The following SORBS2 variants were observed in gnomAD, a reference collection of about 807,000 sequenced individuals.
SORBS2 encodes the protein sorbin and SH3 domain containing 2.
In SORBS2, 46 loss-of-function variants were observed where a neutral mutation model predicts 97.7. The ratio of observed to expected loss-of-function variants is 0.47; its 90% CI spans 0.37 to 0.60. The LOEUF (loss-of-function observed/expected upper bound fraction) is 0.60. SORBS2 is among the 20% of genes least tolerant of loss of function. The probability of loss-of-function intolerance (pLI) is 0.00; values close to 1 mark genes in which losing one functional copy is unlikely to be tolerated. For missense variants in SORBS2, 1,316 were observed against 1,282.3 expected (o/e 1.03, Z -0.40); for synonymous variants, 476 against 473.4 (o/e 1.01, Z -0.07).
chr4:185,905,384 T>C (rs2099250195), intron 1 of SORBS2, among the ~76,000 whole-genome samples: 1 of 152,240 alleles, frequency 6.6e-6, no homozygotes, highest in Non-Finnish European at 1.5e-5. Flanking sequence ...TAGTGTTTTA[T>C]CTTCTCAAGA....
At chr4:185,882,906 C>A (rs1487344354) in intron 1 of SORBS2, among the ~76,000 whole-genome samples, 1 of 151,986 alleles carries the variant, frequency 6.6e-6, no homozygotes, top group Non-Finnish European at 1.5e-5. Flanking sequence ...CAAATGAACT[C>A]AAGTGGATCA....
chr4:185,629,324 A>G (rs1322067062), intron 5 of SORBS2, among the ~76,000 whole-genome samples: 1 of 152,062 alleles, frequency 6.6e-6, no homozygotes, highest in African/African-American at 2.4e-5. Context: ...AGGTGCATAG[A>G]TAGAGGCAGA....
Position 185,720,180 on chromosome 4 carries a change from G to A in SORBS2, c.-197-41358C>T, listed in dbSNP as rs368592852. On this transcript the variant is annotated intron_variant, in intron 2 of 20. Coordinates refer to the SORBS2 transcript ENST00000284776. ...AGGTTCCCAGAATTGTGAAGCCTCCGTACTAGCCTTGCACCACCAATCTGT... is the reference window on the plus strand; with the variant it reads ...AGGTTCCCAGAATTGTGAAGCCTCCATACTAGCCTTGCACCACCAATCTGT... 2.0e-4 allele frequency among the ~76,000 whole-genome samples: 30 copies of A among 152,308 alleles called. 1 individual carries two copies. The highest frequency in any genetic ancestry group is 6.3e-4 in the African/African-American group (26 of 41,566).
intron 6 of SORBS2, among the ~76,000 whole-genome samples, chr4:185,625,452 T>C (rs1581239059): frequency 6.6e-6 from 1 of 152,240 alleles, no homozygotes; most frequent in African/African-American, 2.4e-5. Flanking sequence ...TATTCAATAC[T>C]TATACCTTAC....
At chr4:185,775,126 C>T (rs1188324781) in intron 2 of SORBS2, 101 bp downstream of exon 2, 2 of 152,514 alleles carry the variant, frequency 1.3e-5, no homozygotes, top group Non-Finnish European at 2.9e-5. Flanking sequence ...AAATTGTTCA[C>T]AACTCCCCTT....
intron 2 of SORBS2, among the ~76,000 whole-genome samples, chr4:185,697,826 C>G (rs1190784829): frequency 6.6e-6 from 1 of 152,100 alleles, no homozygotes; most frequent in Non-Finnish European, 1.5e-5. Context: ...AGGAGAAAAG[C>G]CTTGATCTTT....
At chr4:185,951,053 C>T (rs954629570) in intron 1 of SORBS2, among the ~76,000 whole-genome samples, 13 of 152,164 alleles carry the variant, frequency 8.5e-5, no homozygotes, top group African/African-American at 4.8e-5. Context: ...TGCAAGTGAT[C>T]CCTCAATGAC....
intron 1 of SORBS2, among the ~76,000 whole-genome samples, chr4:185,885,853 G>T (rs1462433156): frequency 1.3e-5 from 2 of 152,076 alleles, no homozygotes; most frequent in Admixed American, 6.5e-5. Flanking sequence ...ATACGAATTC[G>T]GTCTTATTCA....
intron 1 of SORBS2, among the ~76,000 whole-genome samples, chr4:185,902,684 T>A (rs1320667737): frequency 3.0e-5 from 4 of 132,658 alleles, no homozygotes; most frequent in Non-Finnish European, 6.8e-5. Context: ...ATGGTGTTTT[T>A]ACTTAAAAAA....
intron 1 of SORBS2, among the ~76,000 whole-genome samples, chr4:185,941,764 G>A (rs1053252330): frequency 6.6e-6 from 1 of 152,172 alleles, no homozygotes; most frequent in Non-Finnish European, 1.5e-5. Flanking sequence ...AGTCATTTTG[G>A]TGGAAAGAAC....
Position 185,587,431 on chromosome 4 carries a change from G to A in SORBS2, c.*196C>T. ...AGTAGGAATCCACACTTTCACGGAG[G>A]GGGACCAGCCTGCCATGTCGTCCCC... On this transcript the variant is annotated 3_prime_UTR_variant, in exon 15 of 15. Coordinates refer to ENST00000418609, the Ensembl canonical transcript of SORBS2. 8.5e-6 allele frequency: 5 copies of A among 589,404 alleles called. 1 individual carries two copies. The highest frequency in any genetic ancestry group is 4.5e-4 in the Middle Eastern group (1 of 2,216). 36.5% of individuals were successfully genotyped at this position (589,404 alleles called of 1,614,324 possible).
At chr4:185,808,014 A>T (rs1330418746) in intron 1 of SORBS2, among the ~76,000 whole-genome samples, 2 of 152,216 alleles carry the variant, frequency 1.3e-5, no homozygotes, top group African/African-American at 4.8e-5. Flanking sequence ...TGGTTTCTGA[A>T]ATCTAATTAC....
chr4:185,643,344 AC>A (rs1260329874), intron 4 of SORBS2, among the ~76,000 whole-genome samples: 1 of 152,146 alleles, frequency 6.6e-6, no homozygotes, highest in African/African-American at 2.4e-5. Context: ...TGCAGCTGGA[AC>A]CTAGCGAGGC....
At chr4:185,599,109 C>T (rs753040014) in intron 12 of SORBS2, among the ~76,000 whole-genome samples, 1 of 152,200 alleles carries the variant, frequency 6.6e-6, no homozygotes, top group Non-Finnish European at 1.5e-5. Flanking sequence ...GCAAAAAGCA[C>T]AAAGTGGCAT....
chr4:185,854,147 G>C (rs2099219438), intron 1 of SORBS2, among the ~76,000 whole-genome samples: 1 of 152,194 alleles, frequency 6.6e-6, no homozygotes, highest in Non-Finnish European at 1.5e-5. Flanking sequence ...CAGCACCTGA[G>C]CTGAGCTCTG....
intron 4 of SORBS2, among the ~76,000 whole-genome samples, chr4:185,637,738 G>C (rs1378017809): frequency 2.0e-5 from 3 of 151,984 alleles, no homozygotes; most frequent in Non-Finnish European, 4.4e-5. Flanking sequence ...TCTTCTGCTT[G>C]AACTAGACCA....
chr4:185,947,613 T>G (rs2099275139), intron 1 of SORBS2, among the ~76,000 whole-genome samples: 1 of 27,892 alleles, frequency 3.6e-5, no homozygotes, highest in Non-Finnish European at 8.7e-5. Context: ...TTTTCTTGGG[T>G]TTTTTTTTTC....
intron 2 of SORBS2, among the ~76,000 whole-genome samples, chr4:185,651,074 G>GA (rs1196503312): frequency 5.3e-5 from 8 of 152,030 alleles, no homozygotes; most frequent in African/African-American, 7.2e-5. Flanking sequence ...AAAGAAAGAA[G>GA]AAAAAAAATA....
At chr4:185,879,328 G>A (rs1175941661) in intron 1 of SORBS2, among the ~76,000 whole-genome samples, 2 of 151,918 alleles carry the variant, frequency 1.3e-5, no homozygotes, top group Non-Finnish European at 2.9e-5. Flanking sequence ...CTTCATCCAT[G>A]TCCCTACAAA....
Sources: gnomAD v4.1 joint callset for allele counts (sites outside exome capture counted in the v4.1 genomes callset) on GRCh38, gnomAD v4.1.1 for gene constraint, MANE v1.5 for transcripts, NCBI Gene and HGNC (gene_info 2026-07-23, HGNC 2026-07-21) for gene names.